Variants in PRAMEF5 observed in about 807,000 individuals in gnomAD.
PRAMEF5 encodes PRAME family member 5, also known as PRAME family member 23.
In PRAMEF5, 5 loss-of-function variants were observed where a neutral mutation model predicts 16.4. The observed-to-expected ratio is 0.30, with a 90% confidence interval of 0.16 to 0.64. The LOEUF (loss-of-function observed/expected upper bound fraction) is 0.64, where lower values mean the gene tolerates loss of function less well. Ranked by LOEUF, PRAMEF5 falls within the 30% of genes least tolerant of loss-of-function variation. The pLI is 0.80. For synonymous variants in PRAMEF5, 19 were observed against 107.3 expected (o/e 0.18, Z 5.09); for missense variants, 36 against 282.9 (o/e 0.13, Z 6.26).
exon 4 of PRAMEF5, chr1:13,263,206 A>C (rs1569734092): frequency 7.8e-7 from 1 of 1,278,374 alleles, no homozygotes; most frequent in Non-Finnish European, 1.1e-6. Context: ...GGGAGCACAG[A>C]ACCCATCATT....
chr1:13,260,436 C>A, exon 3 of PRAMEF5: 1 of 1,327,706 alleles, frequency 7.5e-7, no homozygotes, highest in East Asian at 2.6e-5. Context: ...CACCTGCCTC[C>A]TTCTATGGGT....
chr1:13,259,972 C>T lies in PRAMEF5; in HGVS notation c.288-250C>T, dbSNP rs1488989274. The T allele has an allele frequency of 1.7e-5, 9 of 519,622 alleles. 2 individuals are homozygous for T. The East Asian group carries it at 2.7e-4, about 16-fold the overall frequency. The allele number at this position is 519,622 out of a possible 1,614,324, so 32.2% of individuals were successfully genotyped here. A position where few individuals can be genotyped will look rare whatever the true frequency, so the allele number is the denominator to read the frequency against. ...GTTGAGGCAGGAGAATCATTTGAAC[C>T]CGGGAAGCAGAGGTTGCAGTGAGGT... On this transcript the variant is annotated intron_variant, in intron 2 of 3. Coordinates refer to ENST00000622421, the Ensembl canonical transcript of PRAMEF5.
exon 4 of PRAMEF5, chr1:13,263,285 GC>G: frequency 1.0e-6 from 1 of 985,850 alleles, no homozygotes; most frequent in Admixed American, 2.7e-5. Context: ...GGGAAGTGTT[GC>G]CATGGATTCG....
At position 13,260,115 on chromosome 1, in the gene PRAMEF5, G is replaced by A. The variant is rs1389003686; in HGVS notation, c.288-107G>A. ...GGGAAAACAGGGTGAAGAAAAGTCAGAGAGAGGGACAAGAAGCAGGGAGGG... is the reference window on the plus strand; with the variant it reads ...GGGAAAACAGGGTGAAGAAAAGTCAAAGAGAGGGACAAGAAGCAGGGAGGG... On this transcript the variant is annotated intron_variant, in intron 2 of 3. Coordinates refer to ENST00000622421, the Ensembl canonical transcript of PRAMEF5. The A allele has an allele frequency of 3.2e-6, 5 of 1,542,980 alleles. No homozygotes were observed. The East Asian group carries it at 1.2e-4, about 36-fold the overall frequency.
downstream of PRAMEF5, chr1:13,263,338 G>T (rs1231642796): frequency 3.6e-5 from 22 of 606,976 alleles, no homozygotes; most frequent in Non-Finnish European, 6.1e-5. Context: ...TGGAAAATGG[G>T]AATTTGAATG....
chr1:13,260,244 G>A (rs1224481358), exon 3 of PRAMEF5: 1 of 1,586,036 alleles, frequency 6.3e-7, no homozygotes, highest in African/African-American at 1.3e-5. Flanking sequence ...TCAAGTGCTG[G>A]ATTTACAGGA....
In PRAMEF5 at chr1:13,260,763, T is replaced by C. The variant is rs1639390712; in HGVS notation, c.829T>C (p.Ser277Pro). 3 of 405,844 alleles carry C rather than the reference T, an allele frequency of 7.4e-6. No homozygotes were observed. In the East Asian group the frequency reaches 1.3e-4, roughly 18 times the overall value. 25.1% of individuals were successfully genotyped at this position (405,844 alleles called of 1,614,324 possible). ...CTGCCTCCAAAAGCTTTCTATGAAC[T>C]CTGTTTCTTTCCTCGAAGGCCACCT... Residue 277 changes from serine (S) to proline (P), a missense_variant, in exon 3 of 4, where the codon TCT becomes CCT. Physicochemically the swap from Ser to Pro is moderately conservative, Grantham distance 74. Transcript: ENST00000622421.
intron 1 of PRAMEF5, chr1:13,258,554 G>C (rs1379821739): frequency 6.3e-6 from 1 of 157,858 alleles, no homozygotes; most frequent in Non-Finnish European, 1.4e-5. Flanking sequence ...ACTGAGCTGA[G>C]ATCCCACCAC....
At chr1:13,263,345 A>G (rs1436552914), downstream of PRAMEF5, 128 of 609,576 alleles carry the variant, frequency 2.1e-4, no homozygotes, top group African/African-American at 2.1e-3. Flanking sequence ...TGGGAATTTG[A>G]ATGTCTAGAG....
downstream of PRAMEF5, chr1:13,263,341 T>C (rs1167463322): frequency 1.3e-4 from 81 of 608,630 alleles, no homozygotes; most frequent in African/African-American, 1.4e-3. Context: ...AAAATGGGAA[T>C]TTGAATGTCT....
chr1:13,258,668 C>A, intron 1 of PRAMEF5: 1 of 144,844 alleles, frequency 6.9e-6, no homozygotes, highest in African/African-American at 2.7e-5. Flanking sequence ...GGAAAGAAGA[C>A]AAGAAAGAAA....
At chr1:13,262,183 TC>T (rs1639400631) in intron 3 of PRAMEF5, 1 of 105,956 alleles carries the variant, frequency 9.4e-6, no homozygotes. Context: ...TGCCTCAGCT[TC>T]CCAAGTAGCT....
At chr1:13,259,801 G>A in intron 2 of PRAMEF5, 3 of 221,398 alleles carry the variant, frequency 1.4e-5, no homozygotes, top group South Asian at 8.1e-5. Flanking sequence ...GGGCACGGTG[G>A]CTCACAATGT....
chr1:13,260,137 A>C, intron 2 of PRAMEF5, 85 bp from the exon 3 acceptor site: 1 of 1,549,754 alleles, frequency 6.5e-7, no homozygotes, highest in Non-Finnish European at 8.8e-7. Context: ...AGAAGCAGGG[A>C]GGGGAGGAGC....
At chr1:13,259,827 G>C in intron 2 of PRAMEF5, 2 of 277,072 alleles carry the variant, frequency 7.2e-6, no homozygotes, top group South Asian at 6.3e-5. Flanking sequence ...CAGCACATTG[G>C]GAGGCTGAGG....
At chr1:13,261,980 A>T (rs1639397200) in intron 3 of PRAMEF5, 1 of 90,218 alleles carries the variant, frequency 1.1e-5, no homozygotes, top group Non-Finnish European at 2.3e-5. Flanking sequence ...ACAGATGAGG[A>T]AAGGGAGCTT....
rs1388297132 is a variant in PRAMEF5 at position 13,262,491 on chromosome 1, A to G, written c.870-59A>G. ...ATCCATTACCTTGAAGCCATTCCCC[A>G]CCACCCTCCACTCACCCCTATGATT... On this transcript the variant is annotated intron_variant, in intron 3 of 3. Transcript: ENST00000622421. 4.6e-5 allele frequency: 12 copies of G among 262,108 alleles called. 5 individuals are homozygous for G. Among genetic ancestry groups the G allele is most frequent in the Non-Finnish European group, 7.9e-5 (12 of 152,732 alleles). 16.2% of individuals were successfully genotyped at this position (262,108 alleles called of 1,614,324 possible).
intron 2 of PRAMEF5, chr1:13,259,839 C>T: frequency 3.4e-6 from 1 of 291,218 alleles, no homozygotes; most frequent in South Asian, 3.1e-5. Context: ...AGGCTGAGGC[C>T]AAGAGTTGGA....
rs754345421 is a variant in PRAMEF5 at position 13,262,923 on chromosome 1, G to GC, written c.1249dup (p.Arg417ProfsTer5). On this transcript the variant is annotated frameshift_variant, in exon 4 of 4. Transcript: ENST00000622421. LOFTEE classifies it low-confidence loss of function (END_TRUNC). ...AAACTTATGCGTGGAGCTGTATCCT[G>GC]CCCCCCGGGAGAGTTATGATGCTGA... 5.5e-6 allele frequency: 5 copies of GC among 911,072 alleles called. 1 individual carries two copies. Among genetic ancestry groups the GC allele is most frequent in the Admixed American group, 5.5e-5 (2 of 36,400 alleles). The allele number at this position is 911,072 out of a possible 1,614,324, so 56.4% of individuals were successfully genotyped here.
Sources: allele counts gnomAD v4.1 joint callset, GRCh38; gene constraint gnomAD v4.1.1; transcripts MANE v1.5; gene names NCBI Gene and HGNC (gene_info 2026-07-23, HGNC 2026-07-21).